PTGER3: variants seen among roughly 807,000 people sequenced by gnomAD.
PTGER3 encodes prostaglandin E receptor 3, also known as prostaglandin E2 receptor EP3 subtype.
In PTGER3, 22 loss-of-function variants were observed where a neutral mutation model predicts 34.7. That is an observed-to-expected ratio of 0.63 (90% CI 0.45 to 0.91). PTGER3 has a LOEUF of 0.91. Among genes scored for constraint, PTGER3 ranks in the 40% least tolerant of loss-of-function variants. The pLI, the probability that PTGER3 is intolerant of heterozygous loss-of-function variation, is 0.00. For synonymous variants in PTGER3, 241 were observed against 230.1 expected, an observed-to-expected ratio of 1.05 and a Z score of -0.43; for missense variants, 468 against 519.4, an observed-to-expected ratio of 0.90 and a Z score of 0.96.
chr1:70,886,134 G>A (rs1233716253), intron 4 of PTGER3: 1 of 264,580 alleles, frequency 3.8e-6, no homozygotes, highest in East Asian at 1.1e-4. Context: ...AGATAACTGG[G>A]TCATGAAGGT....
intron 4 of PTGER3, among the ~76,000 whole-genome samples, chr1:70,873,230 T>C (rs985362086): frequency 1.2e-4 from 18 of 152,186 alleles, no homozygotes; most frequent in Non-Finnish European, 2.4e-4. Flanking sequence ...TTCCACAAAT[T>C]ATTCTGCTAT....
chr1:71,047,789 C>G lies in PTGER3; in HGVS notation c.-212G>C, dbSNP rs973740588. The G allele has an allele frequency of 4.8e-6, 2 of 418,978 alleles. No homozygotes were observed. The highest frequency in any genetic ancestry group is 7.8e-6 in the Non-Finnish European group (2 of 256,994). The allele number at this position is 418,978 out of a possible 1,614,324, so 26.0% of individuals were successfully genotyped here. A position where few individuals can be genotyped will look rare whatever the true frequency, so the allele number is the denominator to read the frequency against. ...TGGCCCGGGAGGGAGCCACGCCTTC[C>G]TCTCTGGGAAACCTCTGGTGGCGAG... is the stretch of plus-strand genomic sequence containing the variant. On this transcript the variant is annotated 5_prime_UTR_variant, in exon 1 of 4. Transcript: ENST00000306666.
At chr1:70,996,639 T>TTA (rs1553173495) in intron 2 of PTGER3, among the ~76,000 whole-genome samples, 17 of 122,748 alleles carry the variant, frequency 1.4e-4, no homozygotes, top group African/African-American at 4.8e-4. Context: ...TTTTTTGTAT[T>TTA]TTTATTTATT....
Position 71,047,244 on chromosome 1 carries a change from C to A in PTGER3, c.334G>T (p.Val112Phe), listed in dbSNP as rs745914879. 4.8e-5 allele frequency: 76 copies of A among 1,594,822 alleles called. No individual in the cohort carries two copies. The South Asian group carries it at 8.1e-4, about 17-fold the overall frequency. ...CAACGCTGCTTGGACAGGTACACGA[C>A]GATGACGACCGGGGTGGTGAGAAGC... ...GQLLTTPVVIVVYLSKQRWEH... is the reference protein window; with the variant it reads ...GQLLTTPVVIFVYLSKQRWEH... Residue 112 changes from valine to phenylalanine, a missense_variant, in exon 1 of 4, where the codon GTC (valine) becomes TTC (phenylalanine). By Grantham distance (50) the Val-to-Phe change is conservative (BLOSUM62 -1). This residue lies in a region of PTGER3 where 53 missense variants were observed against 93.9 expected (regional missense o/e 0.56). Coordinates refer to ENST00000306666, the MANE Select transcript of PTGER3 (RefSeq NM_198719.2).
intron 2 of PTGER3, among the ~76,000 whole-genome samples, chr1:70,979,995 T>G (rs914012923): frequency 1.4e-4 from 22 of 151,918 alleles, no homozygotes; most frequent in African/African-American, 5.3e-4. Context: ...ATAGCACAGA[T>G]TGTAGAAGCC....
intron 1 of PTGER3, among the ~76,000 whole-genome samples, chr1:71,016,591 C>T (rs1164715230): frequency 1.3e-5 from 2 of 151,950 alleles, no homozygotes. Flanking sequence ...TCCCCTGAAC[C>T]CAGCAGTTCG....
intron 1 of PTGER3, among the ~76,000 whole-genome samples, chr1:71,039,560 G>T (rs1660110829): frequency 6.9e-6 from 1 of 145,328 alleles, no homozygotes; most frequent in Non-Finnish European, 1.5e-5. Flanking sequence ...TGAGGCAGGA[G>T]AATGGCATGA....
chr1:70,915,365 T>A (rs1260206026), intron 4 of PTGER3, among the ~76,000 whole-genome samples: 1 of 151,798 alleles, frequency 6.6e-6, no homozygotes, highest in Non-Finnish European at 1.5e-5. Context: ...ATGGAGAGTT[T>A]GGAAAGGAAA....
intron 4 of PTGER3, among the ~76,000 whole-genome samples, chr1:70,926,244 C>T (rs528361034): frequency 6.6e-6 from 1 of 151,948 alleles, no homozygotes; most frequent in Non-Finnish European, 1.5e-5. Context: ...GATGGGGATG[C>T]CATTGAATCT....
At chr1:70,926,388 T>G (rs1397056680) in intron 4 of PTGER3, among the ~76,000 whole-genome samples, 1 of 152,202 alleles carries the variant, frequency 6.6e-6, no homozygotes, top group Non-Finnish European at 1.5e-5. Flanking sequence ...CTTGAAGAGG[T>G]CCTTCACGTC....
At chr1:71,044,921 G>A (rs1181160006) in intron 1 of PTGER3, among the ~76,000 whole-genome samples, 1 of 152,126 alleles carries the variant, frequency 6.6e-6, no homozygotes, top group Non-Finnish European at 1.5e-5. Flanking sequence ...TGCCTTTAAA[G>A]TTATATTAAT....
chr1:70,887,155 A>G (rs1338830676), intron 4 of PTGER3, among the ~76,000 whole-genome samples: 1 of 152,230 alleles, frequency 6.6e-6, no homozygotes, highest in Non-Finnish European at 1.5e-5. Context: ...GCTTGAGAAC[A>G]GCTGAGAGGG....
intron 2 of PTGER3, among the ~76,000 whole-genome samples, chr1:70,979,111 A>G (rs570185327): frequency 2.6e-4 from 39 of 152,134 alleles, no homozygotes; most frequent in Admixed American, 5.2e-4. Flanking sequence ...TGAGCTAGCC[A>G]ATTATACTAC....
chr1:70,935,672 A>ATATATATATATATATATATATAT (rs59431299), intron 4 of PTGER3, among the ~76,000 whole-genome samples: 74 of 140,208 alleles, frequency 5.3e-4, no homozygotes, highest in African/African-American at 1.7e-3. Flanking sequence ...TACAAATATA[A>ATATATATATATATATATATATAT]ATATATATAT....
intron 2 of PTGER3, chr1:71,007,039 T>C (rs1189078925): frequency 2.0e-6 from 2 of 985,226 alleles, no homozygotes; most frequent in Non-Finnish European, 2.4e-6. Context: ...CTAGAAGATA[T>C]ATTTAAATAC....
At chr1:70,888,592 T>C (rs1355698287) in intron 4 of PTGER3, among the ~76,000 whole-genome samples, 2 of 152,164 alleles carry the variant, frequency 1.3e-5, no homozygotes, top group Non-Finnish European at 2.9e-5. Flanking sequence ...TGCTATAATT[T>C]AGATCTCTAG....
chr1:70,887,450 G>A (rs1288065740), intron 4 of PTGER3, among the ~76,000 whole-genome samples: 1 of 152,100 alleles, frequency 6.6e-6, no homozygotes, highest in Non-Finnish European at 1.5e-5. Flanking sequence ...AATTTGTCCT[G>A]TTGGTAACAT....
chr1:70,871,954 T>G (rs1384084550), intron 4 of PTGER3, among the ~76,000 whole-genome samples: 1 of 152,144 alleles, frequency 6.6e-6, no homozygotes, highest in Non-Finnish European at 1.5e-5. Flanking sequence ...TTAAGATACT[T>G]TCATCAAGGT....
At chr1:70,985,356 T>G (rs1654815959) in intron 2 of PTGER3, among the ~76,000 whole-genome samples, 1 of 152,084 alleles carries the variant, frequency 6.6e-6, no homozygotes, top group Non-Finnish European at 1.5e-5. Context: ...TGGAAGGCAG[T>G]GGAAAGCTGA....
Sources: gnomAD v4.1 joint callset for allele counts (sites outside exome capture counted in the v4.1 genomes callset) on GRCh38, gnomAD v4.1.1 for gene constraint, gnomAD v4.1.1 regional missense constraint, MANE v1.5 for transcripts, NCBI Gene and HGNC (gene_info 2026-07-23, HGNC 2026-07-21) for gene names.